TMEM178B: variants seen among roughly 807,000 people sequenced by gnomAD.
The protein encoded by TMEM178B is transmembrane protein 178B.
In TMEM178B, 5 loss-of-function variants were observed where a neutral mutation model predicts 31.0. The ratio of observed to expected loss-of-function variants is 0.16; its 90% CI spans 0.08 to 0.34. The LOEUF (loss-of-function observed/expected upper bound fraction) is 0.34, where lower values mean the gene tolerates loss of function less well. Among genes scored for constraint, TMEM178B ranks in the 10% least tolerant of loss-of-function variants. The probability of loss-of-function intolerance (pLI) is 1.00; values close to 1 mark genes in which losing one functional copy is unlikely to be tolerated. For synonymous variants in TMEM178B, 164 were observed against 164.0 expected (o/e 1.00, Z 0.00); for missense variants, 275 against 400.3 (o/e 0.69, Z 2.67).
intron 1 of TMEM178B, among the ~76,000 whole-genome samples, chr7:141,118,511 G>C (rs1295616543): frequency 6.6e-6 from 1 of 152,214 alleles, no homozygotes; most frequent in Non-Finnish European, 1.5e-5. Context: ...CCAGCGTATA[G>C]TAAGTGGTAT....
At chr7:141,447,887 C>T (rs770494584) in intron 3 of TMEM178B, among the ~76,000 whole-genome samples, 1 of 152,080 alleles carries the variant, frequency 6.6e-6, no homozygotes, top group Admixed American at 6.5e-5. Context: ...AGTAGAGGAT[C>T]CAAGCAAGTG....
chr7:141,336,712 A>T (rs1047393224), intron 2 of TMEM178B, among the ~76,000 whole-genome samples: 18 of 151,608 alleles, frequency 1.2e-4, no homozygotes, highest in Non-Finnish European at 2.4e-4. Flanking sequence ...ACTACACATT[A>T]TATAACTCTT....
intron 1 of TMEM178B, among the ~76,000 whole-genome samples, chr7:141,195,528 A>G (rs763716405): frequency 6.6e-6 from 1 of 152,190 alleles, no homozygotes; most frequent in Non-Finnish European, 1.5e-5. Flanking sequence ...TCATATCACT[A>G]TCGGCATTTT....
chr7:141,475,774 C>T lies in TMEM178B; in HGVS notation c.*4988C>T, dbSNP rs1802352604. On this transcript the variant is annotated 3_prime_UTR_variant, in exon 4 of 4. Coordinates refer to ENST00000565468, the MANE Select transcript of TMEM178B (RefSeq NM_001195278.2). ...TGGGCCTGTCTGCCTGCTTTCCTTC[C>T]TTCCTTTTCTTTCCTTTTTTTTTTT... 1 of 149,902 alleles carries T rather than the reference C, an allele frequency of 6.7e-6. No homozygotes were observed. Among genetic ancestry groups the T allele is most frequent in the African/African-American group, 2.5e-5 (1 of 39,306 alleles). The allele number at this position is 149,902 out of a possible 1,614,324, so 9.3% of individuals were successfully genotyped here. A position where few individuals can be genotyped will look rare whatever the true frequency, so the allele number is the denominator to read the frequency against.
chr7:141,239,283 C>T (rs943665427), intron 2 of TMEM178B, among the ~76,000 whole-genome samples: 2 of 152,048 alleles, frequency 1.3e-5, no homozygotes, highest in Non-Finnish European at 2.9e-5. Flanking sequence ...GCAGAGGTTA[C>T]TGGGGAGTGC....
At chr7:141,328,742 G>C (rs898660037) in intron 2 of TMEM178B, among the ~76,000 whole-genome samples, 7 of 152,180 alleles carry the variant, frequency 4.6e-5, no homozygotes, top group African/African-American at 1.7e-4. Context: ...ACCATTCCCA[G>C]GTTAAATGAC....
chr7:141,429,106 G>A (rs1801374182), intron 2 of TMEM178B, among the ~76,000 whole-genome samples: 2 of 152,082 alleles, frequency 1.3e-5, no homozygotes, highest in Non-Finnish European at 2.9e-5. Context: ...AAAACCATAT[G>A]GAGATTCCTC....
intron 3 of TMEM178B, among the ~76,000 whole-genome samples, chr7:141,462,994 A>G (rs916313821): frequency 2.0e-5 from 3 of 151,982 alleles, no homozygotes; most frequent in African/African-American, 7.3e-5. Flanking sequence ...ATGCCTTCCC[A>G]CTCACAGGTG....
intron 2 of TMEM178B, among the ~76,000 whole-genome samples, chr7:141,399,476 C>T (rs1362785901): frequency 6.6e-6 from 1 of 152,176 alleles, no homozygotes; most frequent in African/African-American, 2.4e-5. Context: ...GTGCTTTTTT[C>T]ATAACATTCC....
intron 1 of TMEM178B, among the ~76,000 whole-genome samples, chr7:141,093,370 A>G (rs1052688125): frequency 8.5e-5 from 13 of 152,252 alleles, no homozygotes; most frequent in Non-Finnish European, 1.6e-4. Flanking sequence ...GCCATTTACC[A>G]TGATGGATAG....
intron 2 of TMEM178B, among the ~76,000 whole-genome samples, chr7:141,277,726 T>C (rs1295048837): frequency 6.6e-6 from 1 of 152,128 alleles, no homozygotes; most frequent in Non-Finnish European, 1.5e-5. Context: ...TGTGTATGTA[T>C]GGAGGGGCAG....
At chr7:141,125,808 A>T (rs1213955014) in intron 1 of TMEM178B, among the ~76,000 whole-genome samples, 1 of 152,214 alleles carries the variant, frequency 6.6e-6, no homozygotes, top group African/African-American at 2.4e-5. Flanking sequence ...CTCCAGGTAA[A>T]AGAAGTCAGT....
chr7:141,234,993 C>T (rs894375269), intron 2 of TMEM178B, among the ~76,000 whole-genome samples: 24 of 152,176 alleles, frequency 1.6e-4, no homozygotes, highest in Non-Finnish European at 2.4e-4. Flanking sequence ...GCCACCAAAT[C>T]CTAAGGCCAT....
intron 2 of TMEM178B, among the ~76,000 whole-genome samples, chr7:141,300,128 C>T (rs1798698749): frequency 6.6e-6 from 1 of 152,140 alleles, no homozygotes; most frequent in African/African-American, 2.4e-5. Context: ...GAACATATTT[C>T]ACACAAAAAT....
chr7:141,179,538 G>A (rs1796486143), intron 1 of TMEM178B, among the ~76,000 whole-genome samples: 1 of 151,922 alleles, frequency 6.6e-6, no homozygotes, highest in South Asian at 2.1e-4. Flanking sequence ...TTTTTTCCCT[G>A]TGAACTTGCT....
intron 1 of TMEM178B, among the ~76,000 whole-genome samples, chr7:141,120,805 T>A (rs11974746): frequency 0.25 from 34,045 of 133,850 alleles, 4,498 homozygotes; most frequent in African/African-American, 0.38. Context: ...AAAATAAAAA[T>A]AAAATAGCTG....
chr7:141,182,619 G>T (rs1796548264), intron 1 of TMEM178B, among the ~76,000 whole-genome samples: 1 of 152,122 alleles, frequency 6.6e-6, no homozygotes, highest in African/African-American at 2.4e-5. Flanking sequence ...ATTGGGTTTT[G>T]ATATGGCTTG....
At chr7:141,174,192 T>G (rs950054323) in intron 1 of TMEM178B, among the ~76,000 whole-genome samples, 18 of 152,156 alleles carry the variant, frequency 1.2e-4, no homozygotes, top group Admixed American at 3.3e-4. Context: ...AACTCCCACT[T>G]ACGAGTGAGA....
chr7:141,193,538 A>T (rs1370676140), intron 1 of TMEM178B, among the ~76,000 whole-genome samples: 1 of 152,108 alleles, frequency 6.6e-6, no homozygotes, highest in Non-Finnish European at 1.5e-5. Flanking sequence ...CTTAGCTCTT[A>T]TGTTTGGGAA....
Sources: gnomAD v4.1 joint callset for allele counts (sites outside exome capture counted in the v4.1 genomes callset) on GRCh38, gnomAD v4.1.1 for gene constraint, MANE v1.5 for transcripts, NCBI Gene and HGNC (gene_info 2026-07-23, HGNC 2026-07-21) for gene names.